Variants in SORCS1 observed in about 807,000 individuals in gnomAD.
SORCS1 encodes sortilin related VPS10 domain containing receptor 1, also known as VPS10 domain-containing receptor SorCS1.
SORCS1 carries 60 observed loss-of-function variants against 146.1 expected under a neutral mutation model. The ratio of observed to expected loss-of-function variants is 0.41; its 90% CI spans 0.33 to 0.51. SORCS1 has a LOEUF of 0.51. SORCS1 is among the 20% of genes least tolerant of loss of function. The pLI, the probability that SORCS1 is intolerant of heterozygous loss-of-function variation, is 0.21. For synonymous variants in SORCS1, 637 were observed against 584.0 expected, an observed-to-expected ratio of 1.09 and a Z score of -1.31; for missense variants, 1,352 against 1,487.6, an observed-to-expected ratio of 0.91 and a Z score of 1.50.
At chr10:107,127,794 G>A (rs1404249575) in intron 1 of SORCS1, among the ~76,000 whole-genome samples, 6 of 152,216 alleles carry the variant, frequency 3.9e-5, no homozygotes, top group African/African-American at 1.4e-4. Context: ...CTCCACCTCT[G>A]AATGTGAGGC....
intron 1 of SORCS1, among the ~76,000 whole-genome samples, chr10:107,113,497 C>G (rs1261199264): frequency 6.6e-6 from 1 of 151,846 alleles, no homozygotes; most frequent in Non-Finnish European, 1.5e-5. Flanking sequence ...GACCATCATC[C>G]TGGCCAACAT....
At chr10:107,157,096 T>C (rs915871096) in intron 1 of SORCS1, among the ~76,000 whole-genome samples, 3 of 152,238 alleles carry the variant, frequency 2.0e-5, no homozygotes, top group African/African-American at 7.2e-5. Flanking sequence ...TATTCACTCT[T>C]CTTCCCACAA....
Position 106,905,785 on chromosome 10 carries a change from T to C in SORCS1, c.626+50728A>G, listed in dbSNP as rs148678639. The stretch of plus-strand genomic sequence containing the variant: ...ACACAAGTGTGCCTGTATGCATTTG[T>C]ATGTATATCAGAATGATAAATGTTA... On this transcript the variant is annotated intron_variant, in intron 2 of 25. Coordinates refer to ENST00000263054, the MANE Select transcript of SORCS1 (RefSeq NM_052918.5). Among the ~76,000 whole-genome samples the C allele has an allele frequency of 3.5e-3, 527 of 152,340 alleles. 5 individuals carry two copies. The highest frequency in any genetic ancestry group is 0.012 in the African/African-American group (519 of 41,590).
intron 1 of SORCS1, among the ~76,000 whole-genome samples, chr10:107,154,698 A>G (rs1419486504): frequency 6.6e-6 from 1 of 152,222 alleles, no homozygotes; most frequent in African/African-American, 2.4e-5. Context: ...AGAAACAGAA[A>G]CAACATCATG....
intron 16 of SORCS1, among the ~76,000 whole-genome samples, chr10:106,670,667 G>A (rs1851521086): frequency 6.7e-6 from 1 of 150,326 alleles, no homozygotes; most frequent in African/African-American, 2.4e-5. Flanking sequence ...CAGTGTTGCT[G>A]TTTGAAGCAG....
intron 2 of SORCS1, among the ~76,000 whole-genome samples, chr10:106,831,158 A>C (rs929593745): frequency 6.6e-6 from 1 of 152,112 alleles, no homozygotes; most frequent in African/African-American, 2.4e-5. Context: ...GTGCCACTGC[A>C]CTCCAGCCTG....
At chr10:107,014,652 C>A (rs899186363) in intron 1 of SORCS1, among the ~76,000 whole-genome samples, 2 of 152,070 alleles carry the variant, frequency 1.3e-5, no homozygotes, top group African/African-American at 4.8e-5. Context: ...ATTGTCTGGT[C>A]CAATACCAAA....
rs77476785 is a variant in SORCS1, at chr10:107,064,735, T to A, written c.558+99234A>T. ...GTTATATATTTGTGTAATTATGCCA[T>A]CTCTGTAAGCTCTACAAGACTTTAT... On this transcript the variant is annotated intron_variant, in intron 1 of 25. Transcript: ENST00000263054. Among the ~76,000 whole-genome samples, 422 of 152,352 alleles carry A rather than the reference T, an allele frequency of 2.8e-3. 3 individuals are homozygous for A. Among genetic ancestry groups the A allele is most frequent in the African/African-American group, 9.8e-3 (406 of 41,584 alleles).
chr10:106,720,455 T>G (rs1377327528), intron 6 of SORCS1, among the ~76,000 whole-genome samples: 1 of 150,868 alleles, frequency 6.6e-6, no homozygotes, highest in Non-Finnish European at 1.5e-5. Flanking sequence ...TCTAGTGTGC[T>G]CACACCAGAT....
At chr10:106,843,738 A>G (rs1949172874) in intron 2 of SORCS1, among the ~76,000 whole-genome samples, 1 of 152,070 alleles carries the variant, frequency 6.6e-6, no homozygotes. Context: ...CCCAGACAAG[A>G]TTTCCTTTTT....
chr10:106,717,002 T>C (rs1855424790), intron 6 of SORCS1, among the ~76,000 whole-genome samples: 1 of 152,150 alleles, frequency 6.6e-6, no homozygotes, highest in Non-Finnish European at 1.5e-5. Flanking sequence ...ATCCATTCTA[T>C]CATTCAACAA....
chr10:106,953,291 G>C (rs1954787402), intron 2 of SORCS1, among the ~76,000 whole-genome samples: 1 of 151,956 alleles, frequency 6.6e-6, no homozygotes, highest in Non-Finnish European at 1.5e-5. Flanking sequence ...AGATGGTGTA[G>C]TAGTTGCATA....
At chr10:106,614,354 A>C (rs1297663126) in intron 21 of SORCS1, among the ~76,000 whole-genome samples, 1 of 152,214 alleles carries the variant, frequency 6.6e-6, no homozygotes, top group African/African-American at 2.4e-5. Flanking sequence ...TCACTTGTAC[A>C]TTTCCTAACA....
chr10:106,995,372 G>A (rs1403481204), intron 1 of SORCS1, among the ~76,000 whole-genome samples: 1 of 151,780 alleles, frequency 6.6e-6, no homozygotes, highest in African/African-American at 2.4e-5. Flanking sequence ...CCTTAGAAAT[G>A]AGTTTGAATA....
chr10:107,001,333 C>T (rs1264608658), intron 1 of SORCS1, among the ~76,000 whole-genome samples: 1 of 151,980 alleles, frequency 6.6e-6, no homozygotes, highest in African/African-American at 2.4e-5. Context: ...GACTCTTGGC[C>T]AGGGAAATGT....
At chr10:107,110,589 C>T (rs1041127179) in intron 1 of SORCS1, among the ~76,000 whole-genome samples, 3 of 152,046 alleles carry the variant, frequency 2.0e-5, no homozygotes, top group African/African-American at 7.2e-5. Flanking sequence ...CATGAGGGAT[C>T]CACCCTCATA....
chr10:107,028,788 T>A (rs1958518107), intron 1 of SORCS1, among the ~76,000 whole-genome samples: 1 of 152,194 alleles, frequency 6.6e-6, no homozygotes, highest in Non-Finnish European at 1.5e-5. Flanking sequence ...AGTCTCTCAT[T>A]ATCTCTCTCC....
intron 2 of SORCS1, among the ~76,000 whole-genome samples, chr10:106,891,504 C>CTTTTTTTTTTTTATTTTTTTTTTTTT (rs1951232242): frequency 1.0e-5 from 1 of 97,260 alleles, no homozygotes; most frequent in Admixed American, 1.0e-4. Flanking sequence ...AATGGGAATT[C>CTTTTTTTTTTTTATTTTTTTTTTTTT]TTTTTTTTTT....
intron 17 of SORCS1, among the ~76,000 whole-genome samples, chr10:106,658,806 A>G (rs1371623290): frequency 6.6e-6 from 1 of 152,238 alleles, no homozygotes; most frequent in Non-Finnish European, 1.5e-5. Context: ...CTTAACAATT[A>G]GGGTAGAGAG....
Sources: allele counts gnomAD v4.1 joint callset (sites outside exome capture counted in the v4.1 genomes callset), GRCh38; gene constraint gnomAD v4.1.1; transcripts MANE v1.5; gene names NCBI Gene and HGNC (gene_info 2026-07-23, HGNC 2026-07-21).